Variants in GATM observed in about 807,000 individuals in gnomAD.
GATM encodes glycine amidinotransferase.
GATM carries 23 observed loss-of-function variants against 54.2 expected under a neutral mutation model. That is an observed-to-expected ratio of 0.42 (90% CI 0.31 to 0.60). The LOEUF is 0.60. GATM is among the 20% of genes least tolerant of loss of function. The pLI, the probability that GATM is intolerant of heterozygous loss-of-function variation, is 0.14. For synonymous variants in GATM, 168 were observed against 183.1 expected (o/e 0.92, Z 0.67); for missense variants, 401 against 544.9 (o/e 0.74, Z 2.63).
intron 2 of GATM, among the ~76,000 whole-genome samples, 178 bp downstream of exon 2, chr15:45,376,423 G>A (rs1374403207): frequency 2.2e-5 from 3 of 134,640 alleles, no homozygotes; most frequent in Non-Finnish European, 4.7e-5. Flanking sequence ...AAGCTCTTCA[G>A]GAAGGAAGCA....
chr15:45,402,224 A>G, upstream of GATM: 1 of 668,310 alleles, frequency 1.5e-6, no homozygotes, highest in Non-Finnish European at 2.3e-6. Context: ...GATTTCACGA[A>G]AGCGGACACC....
At chr15:45,378,811 G>C (rs1199847402), upstream of GATM, 4 of 264,570 alleles carry the variant, frequency 1.5e-5, no homozygotes, top group African/African-American at 9.0e-5. Context: ...CGCGCAACTG[G>C]GCAGGACGCG....
At chr15:45,369,277 G>C (rs775177011) in intron 3 of GATM, 49 bp downstream of exon 3, 12 of 1,543,190 alleles carry the variant, frequency 7.8e-6, no homozygotes, top group Non-Finnish European at 1.1e-5. Flanking sequence ...CATTAAGAAA[G>C]AAATTGAAAA....
chr15:45,383,876 A>G (rs1889774292), intron 3 of GATM, among the ~76,000 whole-genome samples: 1 of 151,704 alleles, frequency 6.6e-6, no homozygotes, highest in Non-Finnish European at 1.5e-5. Flanking sequence ...TTCTACTCTA[A>G]TAATAATAAC....
At chr15:45,365,706 T>A (rs1889437774) in intron 6 of GATM, among the ~76,000 whole-genome samples, 1 of 152,310 alleles carries the variant, frequency 6.6e-6, no homozygotes, top group Middle Eastern at 3.4e-3. Flanking sequence ...GCAAGGATGA[T>A]CTTGTCCAAA....
upstream of GATM, chr15:45,379,074 AC>A (rs762915430): frequency 6.6e-6 from 1 of 151,822 alleles, no homozygotes; most frequent in Non-Finnish European, 1.5e-5. Flanking sequence ...TCCTTCCAGT[AC>A]CCCGTCGGTT....
chr15:45,371,959 C>G lies in GATM; in HGVS notation c.289-2438G>C, dbSNP rs183754107. 2.0e-5 allele frequency among the ~76,000 whole-genome samples: 3 copies of G among 152,288 alleles called. No homozygotes were observed. In the East Asian group the frequency reaches 5.8e-4, roughly 29 times the overall value. ...AATATCAAATATATGAAAGTGGACC[C>G]ATCTCTGGTTAGTTCAATATCCAGG... On this transcript the variant is annotated intron_variant, in intron 2 of 8. Transcript: ENST00000396659.
At position 45,369,498 on chromosome 15, in the gene GATM, C is replaced by T. The variant is rs1462709461; in HGVS notation, c.312G>A (p.Trp104Ter). The T allele has an allele frequency of 6.2e-7, 1 of 1,613,944 alleles. No homozygotes were observed. The highest frequency in any genetic ancestry group is 8.5e-7 in the Non-Finnish European group (1 of 1,179,992). The change falls in exon 3 of 9, where the codon TGG becomes TGA. Residue 104 changes from tryptophan (W) to a stop codon, truncating the protein, a stop_gained. Coordinates refer to ENST00000396659, the MANE Select transcript of GATM (RefSeq NM_001482.3). LOFTEE classifies it high-confidence loss of function. ...EVKANTYEKY[W>*]PFYQKQGGHY... ...GCCCTCCTTGCTTCTGGTAAAATGG[C>T]CAGTACTTTTCATATGTGTTGGCCT...
At chr15:45,377,225 G>T (rs1253692757) in intron 1 of GATM, 1 of 490,630 alleles carries the variant, frequency 2.0e-6, no homozygotes, top group Admixed American at 2.1e-5. Context: ...GCTGGGGACG[G>T]AACCTCCTTT....
intron 2 of GATM, among the ~76,000 whole-genome samples, chr15:45,399,151 G>A (rs2140686366): frequency 6.6e-6 from 1 of 152,238 alleles, no homozygotes; most frequent in South Asian, 2.1e-4. Flanking sequence ...AATGTTTCTA[G>A]GCTATAGCAA....
intron 3 of GATM, among the ~76,000 whole-genome samples, chr15:45,388,054 C>T (rs11070454): frequency 0.32 from 48,411 of 151,884 alleles, 8,827 homozygotes; most frequent in East Asian, 0.83. Flanking sequence ...TGCTATGTTG[C>T]CCAGGCTGGT....
At chr15:45,392,099 A>G (rs951180157) in intron 3 of GATM, among the ~76,000 whole-genome samples, 1 of 152,236 alleles carries the variant, frequency 6.6e-6, no homozygotes, top group Non-Finnish European at 1.5e-5. Flanking sequence ...CATGTAACTC[A>G]TAGAGTTATG....
chr15:45,366,707 T>A (rs1231603821), intron 4 of GATM, among the ~76,000 whole-genome samples, 199 bp from the exon 5 acceptor site: 1 of 152,208 alleles, frequency 6.6e-6, no homozygotes, highest in Non-Finnish European at 1.5e-5. Context: ...ACTAGCATTA[T>A]AGTAATTTCC....
rs989221632 is a variant in GATM at position 45,376,990 on chromosome 15, A to C, written c.70-171T>G. ...GTAGGTGGGTAGTGGGATTACAGATAATTTTTTTAACCCTCTTGTTTATCT... is the reference window on the plus strand; with the variant it reads ...GTAGGTGGGTAGTGGGATTACAGATCATTTTTTTAACCCTCTTGTTTATCT... On this transcript the variant is annotated intron_variant, in intron 1 of 8. Transcript: ENST00000396659. 19 of 663,212 alleles carry C rather than the reference A, an allele frequency of 2.9e-5. No homozygotes were observed. The African/African-American group carries it at 3.2e-4, about 11-fold the overall frequency. 41.1% of individuals were successfully genotyped at this position (663,212 alleles called of 1,614,324 possible). A position where few individuals can be genotyped will look rare whatever the true frequency, so the allele number is the denominator to read the frequency against.
intron 2 of GATM, chr15:45,373,323 C>T (rs1198301514): frequency 6.6e-6 from 1 of 152,098 alleles, no homozygotes; most frequent in African/African-American, 2.4e-5. Context: ...CGGTGAAACC[C>T]CGTCTCTACT....
chr15:45,379,503 G>A (rs983845905), upstream of GATM: 1 of 152,188 alleles, frequency 6.6e-6, no homozygotes, highest in Non-Finnish European at 1.5e-5. Flanking sequence ...ATGGTGGAAA[G>A]AGCCTCCGAG....
intron 3 of GATM, chr15:45,396,403 T>C (rs1162460464): frequency 6.6e-6 from 1 of 152,228 alleles, no homozygotes; most frequent in Non-Finnish European, 1.5e-5. Context: ...TGGTTTAATA[T>C]AGTTACAATT....
intron 2 of GATM, 41 bp downstream of exon 2, chr15:45,376,560 G>T (rs754135229): frequency 3.2e-6 from 5 of 1,542,686 alleles, no homozygotes; most frequent in Middle Eastern, 1.8e-4. Flanking sequence ...AGCAGGTGAG[G>T]AGGGAGCGCA....
chr15:45,373,844 GA>G (rs1233414476), intron 2 of GATM, among the ~76,000 whole-genome samples: 1 of 152,054 alleles, frequency 6.6e-6, no homozygotes, highest in East Asian at 1.9e-4. Flanking sequence ...GCATGAAACA[GA>G]AATAACCATT....
Sources: allele counts gnomAD v4.1 joint callset (sites outside exome capture counted in the v4.1 genomes callset), GRCh38; gene constraint gnomAD v4.1.1; transcripts MANE v1.5; gene names NCBI Gene and HGNC (gene_info 2026-07-23, HGNC 2026-07-21).